The following HYAL1 variants were observed in gnomAD, a reference collection of about 807,000 sequenced individuals.
HYAL1 encodes the protein hyaluronidase-1.
A neutral mutation model predicts 28.8 loss-of-function variants in HYAL1; 21 were observed. The ratio of observed to expected loss-of-function variants is 0.73; its 90% CI spans 0.52 to 1.05. The LOEUF is 1.05. Among genes scored for constraint, HYAL1 ranks in the 50% least tolerant of loss-of-function variants. HYAL1 has a pLI of 0.00. For missense variants in HYAL1, 491 were observed against 579.2 expected (o/e 0.85, Z 1.56); for synonymous variants, 200 against 230.1 (o/e 0.87, Z 1.18).
At chr3:50,308,148 G>T (rs1426782199), upstream of HYAL1, among the ~76,000 whole-genome samples, 2 of 149,972 alleles carry the variant, frequency 1.3e-5, no homozygotes, top group African/African-American at 2.5e-5. Context: ...TTTCTTCAGG[G>T]TAGAGTCTTG....
At chr3:50,301,936 G>A (rs1702177430) in intron 2 of HYAL1, 121 bp downstream of exon 2, 4 of 1,074,824 alleles carry the variant, frequency 3.7e-6, no homozygotes, top group Middle Eastern at 2.7e-4. Context: ...GGGTGACAGA[G>A]TGAGACTCTG....
intron 1 of HYAL1, chr3:50,303,214 G>A: frequency 2.3e-6 from 1 of 435,114 alleles, no homozygotes; most frequent in Admixed American, 3.9e-5. Flanking sequence ...CACAGGACTT[G>A]CTCTAGCCTA....
chr3:50,311,328 C>A (rs1702446934), intron 1 of HYAL1, among the ~76,000 whole-genome samples: 1 of 131,974 alleles, frequency 7.6e-6, no homozygotes, highest in Non-Finnish European at 1.7e-5. Context: ...GACCCCCCCA[C>A]CTCCCTCCCG....
At chr3:50,300,941 G>GGGGGGGGGGC in intron 3 of HYAL1, 47 bp downstream of exon 3, 1 of 889,766 alleles carries the variant, frequency 1.1e-6, no homozygotes, top group Non-Finnish European at 1.8e-6. Flanking sequence ...CAGCTTAATG[G>GGGGGGGGGGC]CCCCACCCCT....
chr3:50,303,018 G>T (rs1039869195), intron 1 of HYAL1, 38 bp from the exon 2 acceptor site: 62 of 1,466,364 alleles, frequency 4.2e-5, no homozygotes, highest in Non-Finnish European at 3.7e-6. Flanking sequence ...AGGTTGCAAA[G>T]TCTCCGATTC....
chr3:50,304,862 G>A (rs1353978108), upstream of HYAL1, among the ~76,000 whole-genome samples: 2 of 152,304 alleles, frequency 1.3e-5, no homozygotes, highest in East Asian at 1.9e-4. Context: ...CTGGGACTGG[G>A]TGTGTGTGAG....
chr3:50,310,412 C>G (rs1702421603), intron 1 of HYAL1, among the ~76,000 whole-genome samples: 1 of 149,816 alleles, frequency 6.7e-6, no homozygotes, highest in Non-Finnish European at 1.5e-5. Flanking sequence ...TACAGGCAAC[C>G]ACCACCACGC....
upstream of HYAL1, among the ~76,000 whole-genome samples, chr3:50,306,619 G>C (rs1332159648): frequency 6.6e-6 from 1 of 151,252 alleles, no homozygotes; most frequent in African/African-American, 2.5e-5. Context: ...GGGAGTGGTG[G>C]CTCACACCCG....
intron 2 of HYAL1, 122 bp from the exon 3 acceptor site, chr3:50,301,199 C>T: frequency 1.5e-6 from 1 of 651,984 alleles, no homozygotes; most frequent in South Asian, 1.8e-5. Flanking sequence ...GGCCATGGGA[C>T]CAGAGGCAAA....
At chr3:50,304,901 GTGTT>G (rs1319538972), upstream of HYAL1, among the ~76,000 whole-genome samples, 2 of 152,174 alleles carry the variant, frequency 1.3e-5, no homozygotes, top group Non-Finnish European at 2.9e-5. Context: ...ATGAGATCCT[GTGTT>G]TGTGTGACCA....
At chr3:50,300,939 T>TGGGGGGGGGGGGGGGGG in intron 3 of HYAL1, 49 bp downstream of exon 3, 11 of 959,334 alleles carry the variant, frequency 1.1e-5, no homozygotes, top group Non-Finnish European at 1.7e-5. Context: ...GTCAGCTTAA[T>TGGGGGGGGGGGGGGGGG]GGCCCCACCC....
intron 2 of HYAL1, among the ~76,000 whole-genome samples, chr3:50,309,008 C>T (rs1375336257): frequency 2.0e-5 from 3 of 151,024 alleles, no homozygotes; most frequent in Non-Finnish European, 4.4e-5. Flanking sequence ...GGATTACAGG[C>T]GTGAGCCACC....
chr3:50,310,590 TTC>T (rs1157327830), intron 1 of HYAL1, among the ~76,000 whole-genome samples: 5 of 127,836 alleles, frequency 3.9e-5, no homozygotes, highest in Non-Finnish European at 5.9e-5. Flanking sequence ...TCTTTTTTTT[TTC>T]TTTTTTTTTT....
intron 1 of HYAL1, among the ~76,000 whole-genome samples, chr3:50,311,908 C>CACCTCACGGATGGGGTGGCTGG (rs587655929): frequency 6.7e-6 from 1 of 148,500 alleles, no homozygotes; most frequent in African/African-American, 2.5e-5. Context: ...ATCCCCCCTC[C>CACCTCACGGATGGGGTGGCTGG]CCTCACGGAT....
At chr3:50,311,838 GC>G (rs1702467849) in intron 1 of HYAL1, among the ~76,000 whole-genome samples, 1 of 148,400 alleles carries the variant, frequency 6.7e-6, no homozygotes, top group Non-Finnish European at 1.5e-5. Context: ...GGCTGGCCAG[GC>G]GGGGGGCTGA....
intron 1 of HYAL1, among the ~76,000 whole-genome samples, chr3:50,312,017 A>G (rs868991940): frequency 0.013 from 1,088 of 86,558 alleles, no homozygotes; most frequent in Middle Eastern, 0.025. Flanking sequence ...GCCGGGTGGG[A>G]GGCTGTCCCC....
Position 50,300,456 on chromosome 3 carries a change from A to G in HYAL1, c.*27T>C. 6.2e-7 allele frequency: 1 copy of G among 1,612,914 alleles called. No homozygotes were observed. Among genetic ancestry groups the G allele is most frequent in the Non-Finnish European group, 8.5e-7 (1 of 1,178,984 alleles). On this transcript the variant is annotated 3_prime_UTR_variant, in exon 4 of 4. Transcript: ENST00000395144. Reference sequence around the variant, plus strand: ...CAGACCCAGAGTGCATTAGGTTCTCAATATGTGCAACTCAGTGTGTGGCCA... The same window carrying G: ...CAGACCCAGAGTGCATTAGGTTCTCGATATGTGCAACTCAGTGTGTGGCCA...
chr3:50,310,806 AC>A (rs1330876595), intron 1 of HYAL1, among the ~76,000 whole-genome samples: 2 of 150,082 alleles, frequency 1.3e-5, no homozygotes, highest in Non-Finnish European at 3.0e-5. Context: ...ATGACTCTTA[AC>A]GAGCATGCTG....
chr3:50,303,271 A>C, intron 1 of HYAL1, 195 bp downstream of exon 1: 2 of 258,398 alleles, frequency 7.7e-6, no homozygotes, highest in East Asian at 6.9e-5. Flanking sequence ...GCCATGACAT[A>C]TGTTCTGGGA....
Sources: allele counts gnomAD v4.1 joint callset (sites outside exome capture counted in the v4.1 genomes callset), GRCh38; gene constraint gnomAD v4.1.1; transcripts MANE v1.5; gene names NCBI Gene and HGNC (gene_info 2026-07-23, HGNC 2026-07-21).